MMP26: variants seen among roughly 807,000 people sequenced by gnomAD.
MMP26 encodes the protein matrix metallopeptidase 26, also known as matrix metalloproteinase-26.
MMP26 carries 33 observed loss-of-function variants against 31.0 expected under a neutral mutation model. That is an observed-to-expected ratio of 1.06 (90% CI 0.81 to 1.42). The LOEUF (loss-of-function observed/expected upper bound fraction) is 1.42. MMP26 is among the 40% of genes most tolerant of loss of function. The probability of loss-of-function intolerance (pLI) is 0.00; values close to 1 mark genes in which losing one functional copy is unlikely to be tolerated. For missense variants in MMP26, 347 were observed against 316.1 expected (o/e 1.10, Z -0.74); for synonymous variants, 122 against 114.9 (o/e 1.06, Z -0.40).
intron 2 of MMP26, among the ~76,000 whole-genome samples, chr11:4,821,040 A>G (rs917721896): frequency 5.9e-5 from 9 of 152,184 alleles, no homozygotes; most frequent in African/African-American, 2.2e-4. Flanking sequence ...TTATTCCAGA[A>G]TCAAAATTTA....
intron 2 of MMP26, among the ~76,000 whole-genome samples, chr11:4,928,681 A>G (rs374891525): frequency 2.0e-4 from 30 of 152,208 alleles, no homozygotes; most frequent in African/African-American, 6.0e-4. Flanking sequence ...GTCTTAGATA[A>G]TAGCAGTAAA....
chr11:4,847,061 A>C (rs1289900498), intron 2 of MMP26, among the ~76,000 whole-genome samples: 1 of 152,218 alleles, frequency 6.6e-6, no homozygotes, highest in African/African-American at 2.4e-5. Context: ...AACCAGATTC[A>C]AGGGGAATTA....
intron 1 of MMP26, chr11:4,752,179 G>A (rs1848454725): frequency 6.6e-6 from 1 of 152,170 alleles, no homozygotes; most frequent in African/African-American, 2.4e-5. Context: ...GGTGGGGCAT[G>A]TTTTCCAAAT....
chr11:4,730,206 G>A (rs928947344), intron 1 of MMP26, among the ~76,000 whole-genome samples: 17 of 152,084 alleles, frequency 1.1e-4, no homozygotes, highest in African/African-American at 4.1e-4. Context: ...GACATACGAG[G>A]TGCCCCAGTG....
intron 2 of MMP26, chr11:4,914,639 T>C: frequency 1.1e-6 from 1 of 932,786 alleles, no homozygotes; most frequent in Non-Finnish European, 1.6e-6. Flanking sequence ...GTCTCCTTTA[T>C]TTTATGCATG....
intron 2 of MMP26, among the ~76,000 whole-genome samples, chr11:4,855,592 CT>C (rs1300071354): frequency 6.6e-6 from 1 of 152,168 alleles, no homozygotes; most frequent in Non-Finnish European, 1.5e-5. Flanking sequence ...AAATCTACGT[CT>C]GATTGGTGTA....
chr11:4,882,292 A>G, intron 2 of MMP26: 2 of 1,613,886 alleles, frequency 1.2e-6, no homozygotes, highest in South Asian at 1.1e-5. Flanking sequence ...TCTGTAACCC[A>G]CTGAACTATG....
intron 1 of MMP26, among the ~76,000 whole-genome samples, chr11:4,724,519 A>G (rs2133278171): frequency 1.3e-5 from 2 of 152,304 alleles, no homozygotes; most frequent in South Asian, 4.1e-4. Context: ...AAAAGAATCA[A>G]TTTACTATTT....
intron 2 of MMP26, among the ~76,000 whole-genome samples, chr11:4,810,279 T>C (rs1178632659): frequency 6.7e-6 from 1 of 149,106 alleles, no homozygotes; most frequent in Non-Finnish European, 1.5e-5. Flanking sequence ...ATTCAGGGGA[T>C]ATTTTGTACA....
chr11:4,915,838 T>A, intron 2 of MMP26: 1 of 515,772 alleles, frequency 1.9e-6, no homozygotes, highest in Admixed American at 3.4e-5. Context: ...TTCCTCTCAG[T>A]ATCTTTTTGA....
intron 2 of MMP26, chr11:4,860,197 T>C (rs769703315): frequency 4.2e-6 from 2 of 470,954 alleles, no homozygotes; most frequent in South Asian, 3.1e-5. Context: ...CACAAATCTG[T>C]CAAAGGCCAT....
chr11:4,883,028 CAA>C, intron 2 of MMP26: 1 of 629,988 alleles, frequency 1.6e-6, no homozygotes. Flanking sequence ...CTGAGCTTAT[CAA>C]AGAGTTTTAT....
intron 2 of MMP26, among the ~76,000 whole-genome samples, chr11:4,929,729 A>G (rs2133589474): frequency 6.6e-6 from 1 of 152,278 alleles, no homozygotes; most frequent in East Asian, 1.9e-4. Flanking sequence ...GATGCTTTAG[A>G]TAGAAAATCA....
chr11:4,708,484 CCTT>C (rs889991950), intron 1 of MMP26, among the ~76,000 whole-genome samples: 9 of 152,168 alleles, frequency 5.9e-5, no homozygotes, highest in Admixed American at 1.3e-4. Context: ...CAGGGTCAGA[CCTT>C]CTTAAAGTAG....
In MMP26 at chr11:4,942,093, AAAAAAAAAAAAAAAAAAGGAAGT is replaced by A. The variant is rs1351567035; in HGVS notation, c.-144-45970_-144-45948del. Reference sequence around the variant, plus strand: ...CAGCAGAATGAGAGTCCATCTCAAAAAAAAAAAAAAAAAAAAAGGAAGTAAAACCCTACTCAGACTGCTGCCAA... The same window carrying A: ...CAGCAGAATGAGAGTCCATCTCAAAAAAAACCCTACTCAGACTGCTGCCAA... On this transcript the variant is annotated intron_variant, in intron 2 of 7. Coordinates refer to ENST00000380390, the MANE Select transcript of MMP26 (RefSeq NM_021801.5). Among the ~76,000 whole-genome samples, 14 of 100,180 alleles carry A rather than the reference AAAAAAAAAAAAAAAAAAGGAAGT, an allele frequency of 1.4e-4. No individual in the cohort carries two copies. In the East Asian group the frequency reaches 4.0e-3, roughly 29 times the overall value. 65.7% of individuals were successfully genotyped at this position (100,180 alleles called of 152,430 possible). A position where few individuals can be genotyped will look rare whatever the true frequency, so the allele number is the denominator to read the frequency against.
chr11:4,931,027 TATTA>T (rs1288518506), intron 2 of MMP26, among the ~76,000 whole-genome samples: 2 of 152,190 alleles, frequency 1.3e-5, no homozygotes, highest in East Asian at 3.9e-4. Context: ...AATACTATTG[TATTA>T]ATTTCTACTC....
chr11:4,865,734 C>T (rs1850225600), intron 2 of MMP26, among the ~76,000 whole-genome samples: 1 of 151,926 alleles, frequency 6.6e-6, no homozygotes, highest in Non-Finnish European at 1.5e-5. Context: ...AATGCAGACT[C>T]GACTTCAAGT....
intron 2 of MMP26, among the ~76,000 whole-genome samples, chr11:4,827,599 C>T (rs984147988): frequency 3.3e-5 from 5 of 151,832 alleles, no homozygotes; most frequent in East Asian, 3.9e-4. Context: ...TCTAAGTTTA[C>T]ACCCTTTTAT....
At chr11:4,795,892 T>C (rs1191027912) in intron 2 of MMP26, among the ~76,000 whole-genome samples, 1 of 151,862 alleles carries the variant, frequency 6.6e-6, no homozygotes, top group Admixed American at 6.6e-5. Context: ...AGCCACATTA[T>C]TCTTACATTG....
Sources: gnomAD v4.1 joint callset for allele counts (sites outside exome capture counted in the v4.1 genomes callset) on GRCh38, gnomAD v4.1.1 for gene constraint, MANE v1.5 for transcripts, NCBI Gene and HGNC (gene_info 2026-07-23, HGNC 2026-07-21) for gene names.